CNTLN: variants seen among roughly 807,000 people sequenced by gnomAD.
The protein encoded by CNTLN is centlein, also known as centlein, centrosomal protein.
CNTLN carries 212 observed loss-of-function variants against 180.0 expected under a neutral mutation model. That is an observed-to-expected ratio of 1.18 (90% CI 1.05 to 1.32). CNTLN has a LOEUF of 1.32. Ranked by LOEUF, CNTLN falls within the 40% of genes most tolerant of loss-of-function variation. The pLI is 0.00. For missense variants in CNTLN, 2,095 were observed against 1,610.9 expected (o/e 1.30, Z -5.14); for synonymous variants, 722 against 563.1 (o/e 1.28, Z -3.99).
intron 25 of CNTLN, among the ~76,000 whole-genome samples, chr9:17,491,975 C>T (rs913342885): frequency 5.3e-5 from 8 of 150,484 alleles, no homozygotes; most frequent in Admixed American, 4.6e-4. Context: ...TGGTTATTTC[C>T]TGTGTTGCAC....
rs188041460 is a variant in CNTLN at position 17,156,094 on chromosome 9, G to A, written c.449+12718G>A. On this transcript the variant is annotated intron_variant, in intron 2 of 25. Coordinates refer to ENST00000380647, the MANE Select transcript of CNTLN (RefSeq NM_017738.4). Reference sequence around the variant, plus strand: ...CAGCGAGTCCCAATGAGATGAACCGGGTACTTCAGTTGGAAATGCAGAAAT... The same window carrying A: ...CAGCGAGTCCCAATGAGATGAACCGAGTACTTCAGTTGGAAATGCAGAAAT... Among the ~76,000 whole-genome samples the A allele has an allele frequency of 3.3e-4, 50 of 152,276 alleles. 1 individual carries two copies. The highest frequency in any genetic ancestry group is 1.2e-3 in the African/African-American group (49 of 41,562).
chr9:17,426,936 A>C (rs987275338), intron 18 of CNTLN, among the ~76,000 whole-genome samples: 5 of 152,190 alleles, frequency 3.3e-5, no homozygotes, highest in African/African-American at 1.2e-4. Context: ...ATTTCAACCC[A>C]CATGAGGTAA....
intron 7 of CNTLN, chr9:17,301,444 A>G (rs1818345105): frequency 1.0e-6 from 1 of 985,314 alleles, no homozygotes; most frequent in African/African-American, 1.7e-5. Flanking sequence ...GTGCTAACCT[A>G]ATAATTGGCT....
At chr9:17,469,011 A>C (rs1000409235) in intron 23 of CNTLN, among the ~76,000 whole-genome samples, 4 of 151,454 alleles carry the variant, frequency 2.6e-5, no homozygotes, top group Admixed American at 2.6e-4. Flanking sequence ...TGTCTTCGGT[A>C]CTCTTTCAGA....
Position 17,318,994 on chromosome 9 carries a change from G to A in CNTLN, c.1341+9742G>A, listed in dbSNP as rs1263309743. The stretch of plus-strand genomic sequence containing the variant: ...ATGTTTCTATGAATCTTATAGATAG[G>A]AATGCAGATAGAAAATAGTTACAAA... On this transcript the variant is annotated intron_variant, in intron 8 of 25. Coordinates refer to ENST00000380647, the MANE Select transcript of CNTLN (RefSeq NM_017738.4). 3.9e-5 allele frequency among the ~76,000 whole-genome samples: 6 copies of A among 152,246 alleles called. No individual in the cohort carries two copies. In the East Asian group the frequency reaches 1.2e-3, roughly 29 times the overall value.
At chr9:17,475,249 C>A (rs923798540) in intron 23 of CNTLN, among the ~76,000 whole-genome samples, 2 of 152,074 alleles carry the variant, frequency 1.3e-5, no homozygotes, top group East Asian at 3.9e-4. Flanking sequence ...AAATCTAAAT[C>A]ATTATTGACC....
At chr9:17,146,387 T>C (rs1370165938) in intron 2 of CNTLN, among the ~76,000 whole-genome samples, 1 of 152,188 alleles carries the variant, frequency 6.6e-6, no homozygotes, top group Non-Finnish European at 1.5e-5. Flanking sequence ...TTCTGTTTGC[T>C]CTATGCTATG....
chr9:17,298,122 G>A (rs1818079341), intron 6 of CNTLN, 68 bp from the exon 7 acceptor site: 1 of 1,304,324 alleles, frequency 7.7e-7, no homozygotes. Context: ...AACCTTAGAT[G>A]AACACAATTA....
At chr9:17,176,299 A>G (rs1820715019) in intron 2 of CNTLN, among the ~76,000 whole-genome samples, 2 of 151,526 alleles carry the variant, frequency 1.3e-5, no homozygotes, top group Admixed American at 1.3e-4. Context: ...TTTTTTTATC[A>G]TGAATGGGCA....
intron 18 of CNTLN, among the ~76,000 whole-genome samples, chr9:17,446,044 G>C (rs565497413): frequency 1.3e-5 from 2 of 152,296 alleles, no homozygotes; most frequent in Admixed American, 1.3e-4. Context: ...CCTTTACATT[G>C]TCTATGATGC....
intron 18 of CNTLN, among the ~76,000 whole-genome samples, chr9:17,454,886 T>C (rs1831020354): frequency 6.6e-6 from 1 of 152,212 alleles, no homozygotes; most frequent in Admixed American, 6.5e-5. Flanking sequence ...TAAATGCTTA[T>C]AAATATTTGC....
chr9:17,394,458 C>T (rs1564065756), intron 14 of CNTLN, 76 bp from the exon 15 acceptor site: 5 of 1,049,022 alleles, frequency 4.8e-6, no homozygotes, highest in East Asian at 2.7e-5. Context: ...ATTTTTATTT[C>T]ATAAGTTAGA....
chr9:17,393,034 A>G (rs1359760569), intron 14 of CNTLN, among the ~76,000 whole-genome samples: 1 of 152,210 alleles, frequency 6.6e-6, no homozygotes, highest in African/African-American at 2.4e-5. Flanking sequence ...ATTATAAACA[A>G]TAGAAATTTG....
chr9:17,228,542 A>G (rs150374128), intron 3 of CNTLN, among the ~76,000 whole-genome samples: 1 of 152,152 alleles, frequency 6.6e-6, no homozygotes, highest in African/African-American at 2.4e-5. Flanking sequence ...CTTGCCTTTA[A>G]CGCTTTTTAA....
chr9:17,192,892 A>T (rs1196889532), intron 2 of CNTLN, among the ~76,000 whole-genome samples: 1 of 152,136 alleles, frequency 6.6e-6, no homozygotes, highest in East Asian at 1.9e-4. Flanking sequence ...TGAGACTGGG[A>T]AGAAAAAGCA....
intron 2 of CNTLN, among the ~76,000 whole-genome samples, chr9:17,192,920 G>A (rs1311207766): frequency 6.6e-6 from 1 of 152,172 alleles, no homozygotes. Flanking sequence ...TGGACTTACA[G>A]TTCCACATGG....
chr9:17,135,335 G>A lies in CNTLN; in HGVS notation c.270G>A (p.Glu90=), dbSNP rs772180047. 1 of 1,602,268 alleles carries A rather than the reference G, an allele frequency of 6.2e-7. No homozygotes were observed. The highest frequency in any genetic ancestry group is 8.5e-7 in the Non-Finnish European group (1 of 1,175,214). Residue 90 remains glutamate (E), a synonymous_variant, in exon 1 of 26, where the codon GAG becomes GAA. Transcript: ENST00000380647. ...CGCCCATGGGGTCCAGACGGCTAGAGGGCATCTCGGTAGAGGAGGCGATGG... is the reference window on the plus strand; with the variant it reads ...CGCCCATGGGGTCCAGACGGCTAGAAGGCATCTCGGTAGAGGAGGCGATGG... ...LSAPMGSRRL[E]GISVEEAMVT... is the part of the protein sequence containing the mutation.
the CNTLN span, among the ~76,000 whole-genome samples, chr9:17,510,395 AG>A: frequency 1.3e-5 from 2 of 152,226 alleles, no homozygotes; most frequent in African/African-American, 2.4e-5. Flanking sequence ...TCAGTTGACA[AG>A]GGTGGACTTG....
At chr9:17,153,481 G>T (rs752717704) in intron 2 of CNTLN, among the ~76,000 whole-genome samples, 3 of 152,276 alleles carry the variant, frequency 2.0e-5, no homozygotes, top group South Asian at 2.1e-4. Context: ...TTGAATATTG[G>T]CCTTAACTCT....
Sources: allele counts gnomAD v4.1 joint callset (sites outside exome capture counted in the v4.1 genomes callset), GRCh38; gene constraint gnomAD v4.1.1; transcripts MANE v1.5; gene names NCBI Gene and HGNC (gene_info 2026-07-23, HGNC 2026-07-21).